Variants in IGSF21 observed in about 807,000 individuals in gnomAD.
IGSF21 encodes immunoglobulin superfamily member 21.
IGSF21 carries 28 observed loss-of-function variants against 46.8 expected under a neutral mutation model. The ratio of observed to expected loss-of-function variants is 0.60; its 90% confidence interval spans 0.44 to 0.82. IGSF21 has a LOEUF of 0.82. Ranked by LOEUF, IGSF21 falls within the 40% of genes least tolerant of loss-of-function variation. The pLI is 0.00. For missense variants in IGSF21, 624 were observed against 665.5 expected, an observed-to-expected ratio of 0.94 and a Z score of 0.69; for synonymous variants, 284 against 273.6, an observed-to-expected ratio of 1.04 and a Z score of -0.38.
intron 2 of IGSF21, among the ~76,000 whole-genome samples, chr1:18,273,470 T>TTCTCTC (rs1266013802): frequency 7.2e-5 from 2 of 27,636 alleles, no homozygotes; most frequent in Non-Finnish European, 9.1e-5. Flanking sequence ...CTCTCTTTCT[T>TTCTCTC]TCTTTCTTTC....
chr1:18,135,204 TAAAG>T (rs1448374994), intron 1 of IGSF21, among the ~76,000 whole-genome samples: 1 of 152,250 alleles, frequency 6.6e-6, no homozygotes, highest in Non-Finnish European at 1.5e-5. Flanking sequence ...TACATTGCTA[TAAAG>T]AAACACCTGA....
At chr1:18,163,807 A>G (rs2086651836) in intron 1 of IGSF21, among the ~76,000 whole-genome samples, 1 of 152,214 alleles carries the variant, frequency 6.6e-6, no homozygotes, top group Admixed American at 6.5e-5. Flanking sequence ...CTGTGTCTTC[A>G]CAGCCTAGGG....
At chr1:18,236,318 T>C (rs1569595434) in intron 2 of IGSF21, among the ~76,000 whole-genome samples, 1 of 152,336 alleles carries the variant, frequency 6.6e-6, no homozygotes, top group East Asian at 1.9e-4. Context: ...ATGTAAGATG[T>C]GACTTTGATT....
At chr1:18,118,511 A>G (rs1279899403) in intron 1 of IGSF21, among the ~76,000 whole-genome samples, 2 of 152,246 alleles carry the variant, frequency 1.3e-5, no homozygotes, top group African/African-American at 4.8e-5. Context: ...AAGGAAGGCC[A>G]GGTGTCTGGT....
At position 18,253,860 on chromosome 1, in the gene IGSF21, AAC is replaced by A. The variant is rs528754694; in HGVS notation, c.183+25852_183+25853del. Reference sequence around the variant, plus strand: ...AGGTTACTCAAAGAAGCCTTTCTGAAACAGCAGATTTTAAGCTGGGCTTTGAA... The same window carrying A: ...AGGTTACTCAAAGAAGCCTTTCTGAAAGCAGATTTTAAGCTGGGCTTTGAA... On this transcript the variant is annotated intron_variant, in intron 2 of 9. Transcript: ENST00000251296. Among the ~76,000 whole-genome samples, 5 of 152,336 alleles carry A rather than the reference AAC, an allele frequency of 3.3e-5. No homozygotes were observed. The South Asian group carries it at 1.0e-3, about 32-fold the overall frequency.
At chr1:18,298,348 C>G (rs1448860830) in intron 3 of IGSF21, among the ~76,000 whole-genome samples, 1 of 152,140 alleles carries the variant, frequency 6.6e-6, no homozygotes, top group Non-Finnish European at 1.5e-5. Context: ...TTCAATATAC[C>G]AAGGTGCCGT....
rs191342477 is a variant in IGSF21, at chr1:18,298,813, G to A, written c.305+6826G>A. 1.6e-3 allele frequency among the ~76,000 whole-genome samples: 250 copies of A among 152,258 alleles called. 2 individuals are homozygous for A. Among genetic ancestry groups the A allele is most frequent in the African/African-American group, 5.5e-3 (229 of 41,518 alleles). ...GGCTAAAATCAGCCCCTGCCTCTTC[G>A]GAGCTTACAGCCTGTTCCTCTCCCT... On this transcript the variant is annotated intron_variant, in intron 3 of 9. Coordinates refer to ENST00000251296, the MANE Select transcript of IGSF21 (RefSeq NM_032880.5).
At chr1:18,214,245 A>G (rs890561987) in intron 1 of IGSF21, among the ~76,000 whole-genome samples, 4 of 152,186 alleles carry the variant, frequency 2.6e-5, no homozygotes, top group African/African-American at 9.7e-5. Context: ...ATTTCAAAAG[A>G]GCCCGGGAGG....
chr1:18,261,206 G>A (rs942364070), intron 2 of IGSF21, among the ~76,000 whole-genome samples: 3 of 152,202 alleles, frequency 2.0e-5, no homozygotes, highest in African/African-American at 4.8e-5. Flanking sequence ...ATGAGAGGAC[G>A]CATGGGAAGC....
rs141674533 is a variant in IGSF21, at chr1:18,297,267, G to A, written c.305+5280G>A. Among the ~76,000 whole-genome samples the A allele has an allele frequency of 2.7e-3, 412 of 152,198 alleles. 2 individuals carry two copies. Among genetic ancestry groups the A allele is most frequent in the African/African-American group, 8.8e-3 (365 of 41,496 alleles). On this transcript the variant is annotated intron_variant, in intron 3 of 9. Coordinates refer to ENST00000251296, the MANE Select transcript of IGSF21 (RefSeq NM_032880.5). Reference sequence around the variant, plus strand: ...GGGTGAATGAGTTCGTGGTGAACATGGTGGTGGAGTCCTTTCAATGCAACA... The same window carrying A: ...GGGTGAATGAGTTCGTGGTGAACATAGTGGTGGAGTCCTTTCAATGCAACA...
chr1:18,246,954 G>A (rs556647389), intron 2 of IGSF21, among the ~76,000 whole-genome samples: 7 of 152,220 alleles, frequency 4.6e-5, no homozygotes, highest in South Asian at 4.1e-4. Flanking sequence ...ATGCACCACC[G>A]GAAGGAGGAA....
At chr1:18,256,606 G>A (rs1203811669) in intron 2 of IGSF21, among the ~76,000 whole-genome samples, 1 of 152,112 alleles carries the variant, frequency 6.6e-6, no homozygotes, top group Non-Finnish European at 1.5e-5. Flanking sequence ...AAGGGGGAAG[G>A]AAAGGCCTTG....
intron 2 of IGSF21, among the ~76,000 whole-genome samples, chr1:18,249,061 C>T (rs774821790): frequency 6.6e-6 from 1 of 152,116 alleles, no homozygotes; most frequent in Non-Finnish European, 1.5e-5. Context: ...CTGGATCATG[C>T]GTTTGGAGGC....
At position 18,227,938 on chromosome 1, in the gene IGSF21, G is replaced by A; in HGVS notation, c.111G>A (p.Val37=). The part of the protein sequence containing the change: ...TVNIEPLPPV[V]AGDAVTLKCN... ...ACATTGAGCCTCTCCCCCCTGTGGT[G>A]GCTGGAGACGCCGTGACTTTGAAGT... Residue 37 remains valine, a synonymous_variant, in exon 2 of 10, where the codon GTG becomes GTA. Transcript: ENST00000251296. The A allele has an allele frequency of 6.2e-7, 1 of 1,614,108 alleles. No homozygotes were observed. The highest frequency in any genetic ancestry group is 8.5e-7 in the Non-Finnish European group (1 of 1,179,980).
intron 9 of IGSF21, among the ~76,000 whole-genome samples, chr1:18,377,856 A>G (rs1025685405): frequency 2.0e-5 from 3 of 152,206 alleles, no homozygotes; most frequent in African/African-American, 7.2e-5. Flanking sequence ...TGGGAGCATC[A>G]ACGGATGTCT....
rs985025502 is a variant in IGSF21, at chr1:18,171,983, A to G, written c.71-55915A>G. Among the ~76,000 whole-genome samples the G allele has an allele frequency of 8.6e-5, 13 of 151,012 alleles. No homozygotes were observed. The South Asian group carries it at 2.5e-3, about 29-fold the overall frequency. ...GGAAAGGTTGAAGAGGTACCTGGGA[A>G]GAAATAGTTCCTTTTCTTGTCCCCT... is the stretch of plus-strand genomic sequence containing the variant. On this transcript the variant is annotated intron_variant, in intron 1 of 9. Coordinates refer to ENST00000251296, the MANE Select transcript of IGSF21 (RefSeq NM_032880.5).
chr1:18,340,409 AGGTGAGCTATAT>A (rs2085820408), intron 4 of IGSF21, among the ~76,000 whole-genome samples: 1 of 152,198 alleles, frequency 6.6e-6, no homozygotes, highest in Non-Finnish European at 1.5e-5. Context: ...CATTCAAAAG[AGGTGAGCTATAT>A]GGACTTCATT....
At chr1:18,256,717 C>T (rs2084895930) in intron 2 of IGSF21, among the ~76,000 whole-genome samples, 1 of 152,172 alleles carries the variant, frequency 6.6e-6, no homozygotes, top group Admixed American at 6.5e-5. Context: ...CCGTTACCTC[C>T]TGGTACCATA....
chr1:18,329,291 T>C (rs1238334024), intron 3 of IGSF21, among the ~76,000 whole-genome samples: 1 of 152,200 alleles, frequency 6.6e-6, no homozygotes, highest in Non-Finnish European at 1.5e-5. Flanking sequence ...TTATACATAT[T>C]GGCACCTCCC....
Sources: allele counts gnomAD v4.1 joint callset (sites outside exome capture counted in the v4.1 genomes callset), GRCh38; gene constraint gnomAD v4.1.1; transcripts MANE v1.5; gene names NCBI Gene and HGNC (gene_info 2026-07-23, HGNC 2026-07-21).